PELI3: variants seen among roughly 807,000 people sequenced by gnomAD.
PELI3 encodes E3 ubiquitin-protein ligase pellino homolog 3.
A neutral mutation model predicts 35.5 loss-of-function variants in PELI3; 19 were observed. That is an observed-to-expected ratio of 0.54 (90% CI 0.37 to 0.79). The LOEUF (loss-of-function observed/expected upper bound fraction) is 0.79, where lower values mean the gene tolerates loss of function less well. PELI3 is among the 30% of genes least tolerant of loss of function. The pLI is 0.00. For synonymous variants in PELI3, 262 were observed against 279.2 expected, an observed-to-expected ratio of 0.94 and a Z score of 0.62; for missense variants, 490 against 661.2, an observed-to-expected ratio of 0.74 and a Z score of 2.84.
Position 66,467,308 on chromosome 11 carries a change from C to G in PELI3, c.-2+281C>G, listed in dbSNP as rs1249100703. On this transcript the variant is annotated intron_variant, in intron 1 of 7. Coordinates refer to ENST00000320740, the MANE Select transcript of PELI3 (RefSeq NM_145065.3). The surrounding 1 kb of genome is among the most constrained non-coding windows in gnomAD (Gnocchi z 4.2). ...GGCCGCGGTTCCCGTTCTGCCCGCCCGGGGCGCAGGGCGCGGGCCTGCCCC... is the reference window on the plus strand; with the variant it reads ...GGCCGCGGTTCCCGTTCTGCCCGCCGGGGGCGCAGGGCGCGGGCCTGCCCC... The G allele has an allele frequency of 6.6e-6, 1 of 151,784 alleles. No individual in the cohort carries two copies. Among genetic ancestry groups the G allele is most frequent in the Non-Finnish European group, 1.5e-5 (1 of 67,956 alleles). 9.4% of individuals were successfully genotyped at this position (151,784 alleles called of 1,614,324 possible). A position where few individuals can be genotyped will look rare whatever the true frequency, so the allele number is the denominator to read the frequency against.
chr11:66,477,260 A>G lies in PELI3; in HGVS notation c.*1093A>G, dbSNP rs1438201505. ...TGTCGGCTGTGACACAAGGGCCATC[A>G]TCCCTGAATGCCCACCATGTGCCCC... is the stretch of plus-strand genomic sequence containing the variant. On this transcript the variant is annotated 3_prime_UTR_variant, in exon 8 of 8. Coordinates refer to ENST00000320740, the MANE Select transcript of PELI3 (RefSeq NM_145065.3). The G allele has an allele frequency of 6.6e-6, 1 of 152,164 alleles. No homozygotes were observed. The highest frequency in any genetic ancestry group is 1.5e-5 in the Non-Finnish European group (1 of 68,044). 9.4% of individuals were successfully genotyped at this position (152,164 alleles called of 1,614,324 possible).
In PELI3 at chr11:66,471,302, C is replaced by T. The variant is rs374059593; in HGVS notation, c.285C>T (p.Ser95=). ...KGRRRSRLAL[S]RRSHANGVKP... Reference sequence around the variant, plus strand: ...GCCGGCGAAGCCGCCTGGCACTGAGCCGCCGGTCGCACGCCAACGGGGTGA... The same window carrying T: ...GCCGGCGAAGCCGCCTGGCACTGAGTCGCCGGTCGCACGCCAACGGGGTGA... Residue 95 remains serine (S), a synonymous_variant, in exon 4 of 8, where the codon AGC becomes AGT. Coordinates refer to ENST00000320740, the MANE Select transcript of PELI3 (RefSeq NM_145065.3). The T allele has an allele frequency of 1.2e-5, 19 of 1,614,000 alleles. No homozygotes were observed. Among genetic ancestry groups the T allele is most frequent in the Non-Finnish European group, 1.6e-5 (19 of 1,179,996 alleles).
chr11:66,475,649 G>A lies in PELI3; in HGVS notation c.892G>A (p.Gly298Arg). ...GGACGGCTCTCTCATCGACCTGTGTGGGGCCACACTGCTGTGGCGCACACC... is the reference window on the plus strand; with the variant it reads ...GGACGGCTCTCTCATCGACCTGTGTAGGGCCACACTGCTGTGGCGCACACC... ...LQDGSLIDLCGATLLWRTPAG... is the reference protein window; with the variant it reads ...LQDGSLIDLCRATLLWRTPAG... Residue 298 changes from glycine to arginine, a missense_variant, in exon 8 of 8, where the codon GGG becomes AGG. By Grantham distance (125) the Gly-to-Arg change is moderately radical. Around this residue, in one of 3 missense-constraint regions of PELI3, gnomAD observed 349 missense variants for 484.8 expected, o/e 0.72. Transcript: ENST00000320740. 6.2e-7 allele frequency: 1 copy of A among 1,612,650 alleles called. No homozygotes were observed.
At chr11:66,471,504 C>A in intron 4 of PELI3, 133 bp downstream of exon 4, 3 of 1,217,062 alleles carry the variant, frequency 2.5e-6, no homozygotes, top group Non-Finnish European at 3.4e-6. Context: ...TCACTCACTG[C>A]TTATTGGGCC....
Position 66,476,375 on chromosome 11 carries a change from A to C in PELI3, c.*208A>C. On this transcript the variant is annotated 3_prime_UTR_variant, in exon 8 of 8. Coordinates refer to ENST00000320740, the MANE Select transcript of PELI3 (RefSeq NM_145065.3). ...CCCCAGTCATGCTGATGGGGCCTTC[A>C]GCACCAGCTCTGTCCTGGGTCGATG... 1 of 610,948 alleles carries C rather than the reference A, an allele frequency of 1.6e-6. No homozygotes were observed. The highest frequency in any genetic ancestry group is 2.9e-6 in the Non-Finnish European group (1 of 349,614). 37.8% of individuals were successfully genotyped at this position (610,948 alleles called of 1,614,324 possible). A position where few individuals can be genotyped will look rare whatever the true frequency, so the allele number is the denominator to read the frequency against.
Position 66,475,823 on chromosome 11 carries a change from C to G in PELI3, c.1066C>G (p.Pro356Ala), listed in dbSNP as rs749668015. The G allele has an allele frequency of 6.2e-7, 1 of 1,607,758 alleles. No homozygotes were observed. The highest frequency in any genetic ancestry group is 8.5e-7 in the Non-Finnish European group (1 of 1,178,072). The change falls in exon 8 of 8, where the codon CCC (proline) becomes GCC (alanine). Residue 356 changes from proline to alanine, a missense_variant. Coordinates refer to ENST00000320740, the MANE Select transcript of PELI3 (RefSeq NM_145065.3). ...CCGCACAGCGCCCGACAAACAGCAG[C>G]CCTGGGTCTACGTCCGCTGCGGGCA... ...RGRTAPDKQQ[P>A]WVYVRCGHVH...
At chr11:66,474,825 G>A (rs1854848737) in intron 7 of PELI3, 2 of 152,120 alleles carry the variant, frequency 1.3e-5, no homozygotes, top group African/African-American at 4.8e-5. Flanking sequence ...CGCCTCCTGG[G>A]TTCAAGTGAT....
intron 5 of PELI3, 74 bp downstream of exon 5, chr11:66,472,544 CG>C: frequency 7.6e-7 from 1 of 1,324,072 alleles, no homozygotes; most frequent in Non-Finnish European, 1.1e-6. Context: ...GGTGAGGCTA[CG>C]GGTTGGGAGG....
intron 7 of PELI3, 123 bp downstream of exon 7, chr11:66,474,048 A>G (rs1565259713): frequency 7.9e-7 from 1 of 1,261,802 alleles, no homozygotes; most frequent in African/African-American, 1.5e-5. Flanking sequence ...AACAGGCTCC[A>G]TATCAGGGAA....
At chr11:66,468,093 A>C (rs1489169038) in intron 1 of PELI3, 35 bp from the exon 2 acceptor site, 2 of 1,552,996 alleles carry the variant, frequency 1.3e-6, no homozygotes, top group South Asian at 2.3e-5. Flanking sequence ...TGGGGTGGGA[A>C]CCTACAAAGC....
rs1854786638 is a variant in PELI3 at position 66,473,316 on chromosome 11, C to T, written c.532C>T (p.Pro178Ser). 6 of 1,613,532 alleles carry T rather than the reference C, an allele frequency of 3.7e-6. No homozygotes were observed. The East Asian group carries it at 1.3e-4, about 36-fold the overall frequency. The change falls in exon 6 of 8, where the codon CCT (proline) becomes TCT (serine). Residue 178 changes from proline to serine, a missense_variant. By Grantham distance (74) the Pro-to-Ser change is moderately conservative. This residue lies in a region of PELI3 where 349 missense variants were observed against 484.8 expected (regional missense o/e 0.72). Coordinates refer to ENST00000320740, the MANE Select transcript of PELI3 (RefSeq NM_145065.3). This position sits in a 1 kb window ranked among gnomAD's most constrained non-coding sequence, Gnocchi z 5.8. Reference protein sequence around the residue: ...TSPGGGAAEGPSAQSTISRYA... With the variant: ...TSPGGGAAEGSSAQSTISRYA... ...CCCTGGAGGAGGGGCTGCCGAGGGC[C>T]CTTCTGCCCAGAGCACCATCTCCCG...
rs766302098 is a variant in PELI3, at chr11:66,475,765, C to T, written c.1008C>T (p.Leu336=). The change falls in exon 8 of 8, where the codon CTC becomes CTT. Residue 336 remains leucine, a synonymous_variant. Transcript: ENST00000320740. ...NAARPQCPVG[L]STLAFPSPAR... is the part of the protein sequence containing the mutation. ...CGCGGCCCCAGTGCCCCGTGGGCCTCAGCACTCTGGCCTTCCCCAGCCCAG... is the reference window on the plus strand; with the variant it reads ...CGCGGCCCCAGTGCCCCGTGGGCCTTAGCACTCTGGCCTTCCCCAGCCCAG... 8 of 1,610,558 alleles carry T rather than the reference C, an allele frequency of 5.0e-6. No homozygotes were observed. The highest frequency in any genetic ancestry group is 6.8e-6 in the Non-Finnish European group (8 of 1,179,142).
rs1395358033 is a variant in PELI3, at chr11:66,467,271, G to C, written c.-2+244G>C. The C allele has an allele frequency of 3.3e-5, 5 of 151,938 alleles. No individual in the cohort carries two copies. Among genetic ancestry groups the C allele is most frequent in the Non-Finnish European group, 5.9e-5 (4 of 68,072 alleles). 9.4% of individuals were successfully genotyped at this position (151,938 alleles called of 1,614,324 possible). On this transcript the variant is annotated intron_variant, in intron 1 of 7. Coordinates refer to ENST00000320740, the MANE Select transcript of PELI3 (RefSeq NM_145065.3). This position sits in a 1 kb window ranked among gnomAD's most constrained non-coding sequence, Gnocchi z 4.2. ...CGGAGGGGCCGCCGGGTGTGGACCT[G>C]CGTAGGTGCTGGGCCGCGGTTCCCG... is the stretch of plus-strand genomic sequence containing the variant.
At chr11:66,475,372 C>A (rs1854868533) in intron 7 of PELI3, among the ~76,000 whole-genome samples, 1 of 152,230 alleles carries the variant, frequency 6.6e-6, no homozygotes, top group Non-Finnish European at 1.5e-5. Flanking sequence ...GGTCAGACTT[C>A]CTGATTAGAC....
rs1565259066 is a variant in PELI3 at position 66,473,351 on chromosome 11, C to T, written c.567C>T (p.Cys189=). The T allele has an allele frequency of 1.9e-6, 3 of 1,613,564 alleles. No individual in the cohort carries two copies. The highest frequency in any genetic ancestry group is 2.2e-5 in the East Asian group (1 of 44,884). Residue 189 remains cysteine (C), a synonymous_variant, in exon 6 of 8, where the codon TGC becomes TGT. Transcript: ENST00000320740. This position sits in a 1 kb window ranked among gnomAD's most constrained non-coding sequence, Gnocchi z 5.8. The part of the protein sequence containing the change: ...SAQSTISRYA[C]RILCDRRPPY... The stretch of plus-strand genomic sequence containing the variant: ...AGAGCACCATCTCCCGCTATGCCTG[C>T]CGCATCCTCTGTGACCGCCGGCCAC...
At chr11:66,469,748 A>G (rs1255864405) in intron 3 of PELI3, among the ~76,000 whole-genome samples, 1 of 151,580 alleles carries the variant, frequency 6.6e-6, no homozygotes, top group African/African-American at 2.4e-5. Flanking sequence ...GCCCTCTCCA[A>G]GCCTACAGAA....
At chr11:66,469,089 G>A (rs545041106) in intron 3 of PELI3, among the ~76,000 whole-genome samples, 185 bp downstream of exon 3, 4 of 152,202 alleles carry the variant, frequency 2.6e-5, no homozygotes, top group African/African-American at 7.2e-5. Context: ...CAGGATCCCT[G>A]CACCATCCAC....
rs1389724889 is a variant in PELI3, at chr11:66,467,190, G to C, written c.-2+163G>C. Among the ~76,000 whole-genome samples, 1 of 149,980 alleles carries C rather than the reference G, an allele frequency of 6.7e-6. No individual in the cohort carries two copies. Among genetic ancestry groups the C allele is most frequent in the African/African-American group, 2.4e-5 (1 of 41,100 alleles). Reference sequence around the variant, plus strand: ...GTCCCTGCGGTCGCGGGTGCGGGTGGTCTCTGCGCCGTCCGGGCCCGGGGC... The same window carrying C: ...GTCCCTGCGGTCGCGGGTGCGGGTGCTCTCTGCGCCGTCCGGGCCCGGGGC... On this transcript the variant is annotated intron_variant, in intron 1 of 7. Transcript: ENST00000320740. The surrounding 1 kb of genome is among the most constrained non-coding windows in gnomAD (Gnocchi z 4.2).
Position 66,467,838 on chromosome 11 carries a change from C to G in PELI3, c.-1-290C>G, listed in dbSNP as rs551305444. Among the ~76,000 whole-genome samples, 1 of 152,350 alleles carries G rather than the reference C, an allele frequency of 6.6e-6. No individual in the cohort carries two copies. The highest frequency in any genetic ancestry group is 2.4e-5 in the African/African-American group (1 of 41,582). ...TCATTGGGTGCCCCGCTTTGAAGCA[C>G]ATCCCAGACTGGGATCTTGGCCAAA... On this transcript the variant is annotated intron_variant, in intron 1 of 7. Coordinates refer to ENST00000320740, the MANE Select transcript of PELI3 (RefSeq NM_145065.3). This position sits in a 1 kb window ranked among gnomAD's most constrained non-coding sequence, Gnocchi z 4.2.
Sources: gnomAD v4.1 joint callset for allele counts (sites outside exome capture counted in the v4.1 genomes callset) on GRCh38, gnomAD v4.1.1 for gene constraint, gnomAD v4.1.1 regional missense constraint, Gnocchi (gnomAD v3.1) non-coding constraint, MANE v1.5 for transcripts, NCBI Gene and HGNC (gene_info 2026-07-23, HGNC 2026-07-21) for gene names.